Variants in L3MBTL4 observed in about 807,000 individuals in gnomAD.
L3MBTL4 encodes the protein lethal(3)malignant brain tumor-like protein 4.
L3MBTL4 carries 70 observed loss-of-function variants against 84.5 expected under a neutral mutation model. The ratio of observed to expected loss-of-function variants is 0.83; its 90% CI spans 0.68 to 1.01. L3MBTL4 has a LOEUF of 1.01. L3MBTL4 is among the 50% of genes least tolerant of loss of function. The pLI, the probability that L3MBTL4 is intolerant of heterozygous loss-of-function variation, is 0.00. For synonymous variants in L3MBTL4, 274 were observed against 259.8 expected, an observed-to-expected ratio of 1.05 and a Z score of -0.52; for missense variants, 715 against 754.8, an observed-to-expected ratio of 0.95 and a Z score of 0.62.
chr18:6,337,308 C>T lies in L3MBTL4; in HGVS notation c.-90-25252G>A, dbSNP rs187336071. 1.6e-4 allele frequency among the ~76,000 whole-genome samples: 24 copies of T among 152,090 alleles called. No homozygotes were observed. The East Asian group carries it at 3.5e-3, about 22-fold the overall frequency. On this transcript the variant is annotated intron_variant, in intron 1 of 18. Coordinates refer to ENST00000317931, the MANE Select transcript of L3MBTL4 (RefSeq NM_001330559.2). Reference sequence around the variant, plus strand: ...AACATTCCTAGAACGGAAATGCATACAAATATCAAACAAAAGACATATAGG... The same window carrying T: ...AACATTCCTAGAACGGAAATGCATATAAATATCAAACAAAAGACATATAGG...
chr18:6,138,087 CA>C (rs1451866394), intron 14 of L3MBTL4, 106 bp downstream of exon 14: 1 of 638,590 alleles, frequency 1.6e-6, no homozygotes, highest in African/African-American at 1.8e-5. Flanking sequence ...GGGAGTGTCA[CA>C]GGGGCAGCTG....
intron 12 of L3MBTL4, among the ~76,000 whole-genome samples, chr18:6,203,819 A>T (rs1469958030): frequency 6.6e-6 from 1 of 152,134 alleles, no homozygotes; most frequent in Non-Finnish European, 1.5e-5. Context: ...GGTGATGCAG[A>T]CACTACATTC....
intron 18 of L3MBTL4, 34 bp downstream of exon 18, chr18:5,960,060 A>ATG: frequency 4.9e-6 from 2 of 411,304 alleles, no homozygotes; most frequent in Non-Finnish European, 7.8e-6. Context: ...ATATATATAT[A>ATG]CATATATATA....
chr18:6,323,968 G>T (rs71360032), intron 1 of L3MBTL4, among the ~76,000 whole-genome samples: 1 of 151,882 alleles, frequency 6.6e-6, no homozygotes, highest in Admixed American at 6.6e-5. Context: ...GGTTTTGTGC[G>T]TCACACCCAG....
intron 5 of L3MBTL4, among the ~76,000 whole-genome samples, chr18:6,250,536 G>C (rs1470321755): frequency 1.3e-5 from 2 of 152,120 alleles, no homozygotes; most frequent in African/African-American, 2.4e-5. Flanking sequence ...TGATATAGCT[G>C]CAAGATTCCA....
intron 10 of L3MBTL4, among the ~76,000 whole-genome samples, chr18:6,220,723 G>A (rs967431531): frequency 1.3e-5 from 2 of 152,022 alleles, no homozygotes; most frequent in African/African-American, 2.4e-5. Flanking sequence ...GTAAGTATTT[G>A]GTAAATATTT....
At chr18:6,191,627 C>A (rs2045095973) in intron 12 of L3MBTL4, among the ~76,000 whole-genome samples, 1 of 152,118 alleles carries the variant, frequency 6.6e-6, no homozygotes, top group African/African-American at 2.4e-5. Context: ...TTGAGGAAAC[C>A]ACAAAGAGAA....
chr18:6,067,614 T>C (rs1412729141), intron 16 of L3MBTL4, among the ~76,000 whole-genome samples: 1 of 152,222 alleles, frequency 6.6e-6, no homozygotes, highest in African/African-American at 2.4e-5. Context: ...TCCCTAAGTG[T>C]GACTTTCATT....
At chr18:6,025,945 GTTCTAAAA>G in intron 16 of L3MBTL4, among the ~76,000 whole-genome samples, 1 of 152,220 alleles carries the variant, frequency 6.6e-6, no homozygotes, top group Non-Finnish European at 1.5e-5. Flanking sequence ...GGGGACCCCT[GTTCTAAAA>G]TTTTAGTGAA....
At chr18:6,348,981 C>A (rs2053051593) in intron 1 of L3MBTL4, among the ~76,000 whole-genome samples, 1 of 152,148 alleles carries the variant, frequency 6.6e-6, no homozygotes. Flanking sequence ...CAGGAAAATT[C>A]TAATTAAAAC....
intron 16 of L3MBTL4, among the ~76,000 whole-genome samples, chr18:5,985,163 C>A (rs1173412675): frequency 1.3e-5 from 2 of 151,898 alleles, no homozygotes; most frequent in Non-Finnish European, 2.9e-5. Context: ...AGTGAAGATA[C>A]AAAGGAGAAA....
intron 13 of L3MBTL4, among the ~76,000 whole-genome samples, chr18:6,168,979 C>T (rs549233287): frequency 0.052 from 7,882 of 151,998 alleles, 677 homozygotes; most frequent in African/African-American, 0.18. Context: ...AACAAATTTA[C>T]AAGAAAAAAA....
intron 14 of L3MBTL4, among the ~76,000 whole-genome samples, chr18:6,124,540 A>C (rs1334965065): frequency 6.6e-6 from 1 of 151,802 alleles, no homozygotes; most frequent in East Asian, 1.9e-4. Context: ...ATCATGGTAA[A>C]AACTAGAAGA....
intron 16 of L3MBTL4, among the ~76,000 whole-genome samples, chr18:5,987,298 T>C (rs548414028): frequency 6.6e-6 from 1 of 152,378 alleles, no homozygotes; most frequent in African/African-American, 2.4e-5. Flanking sequence ...TTCTAAAATG[T>C]GTTTATTTCT....
chr18:6,080,696 G>A (rs542799629), intron 16 of L3MBTL4, among the ~76,000 whole-genome samples, 185 bp downstream of exon 16: 9 of 152,172 alleles, frequency 5.9e-5, no homozygotes, highest in Non-Finnish European at 1.2e-4. Context: ...GAAAATGAAG[G>A]TTTGAGTAGT....
At chr18:6,401,491 C>T (rs574937064) in intron 1 of L3MBTL4, among the ~76,000 whole-genome samples, 2 of 152,198 alleles carry the variant, frequency 1.3e-5, no homozygotes, top group East Asian at 3.9e-4. Flanking sequence ...GAAAAGTGCA[C>T]AGGGCAAAAA....
intron 14 of L3MBTL4, among the ~76,000 whole-genome samples, chr18:6,106,867 T>C (rs2059025773): frequency 6.6e-6 from 1 of 152,196 alleles, no homozygotes; most frequent in African/African-American, 2.4e-5. Flanking sequence ...AATGTCCCTG[T>C]ATGCACAGCC....
At chr18:6,021,421 A>G (rs2055252060) in intron 16 of L3MBTL4, among the ~76,000 whole-genome samples, 1 of 152,206 alleles carries the variant, frequency 6.6e-6, no homozygotes, top group South Asian at 2.1e-4. Context: ...AGAAATTCAG[A>G]AAAAGGACAA....
chr18:6,161,012 C>G (rs1322439232), intron 13 of L3MBTL4, among the ~76,000 whole-genome samples: 1 of 152,128 alleles, frequency 6.6e-6, no homozygotes, highest in South Asian at 2.1e-4. Context: ...CAAAATATGA[C>G]CCAGTTAGAT....
Sources: gnomAD v4.1 joint callset for allele counts (sites outside exome capture counted in the v4.1 genomes callset) on GRCh38, gnomAD v4.1.1 for gene constraint, MANE v1.5 for transcripts, NCBI Gene and HGNC (gene_info 2026-07-23, HGNC 2026-07-21) for gene names.